Variants in KALRN observed in about 807,000 individuals in gnomAD.
The protein encoded by KALRN is kalirin RhoGEF kinase, also known as kalirin.
Under a neutral mutation model 353.7 loss-of-function variants are expected in KALRN, and 70 were observed. The observed-to-expected ratio is 0.20, with a 90% CI of 0.16 to 0.24. The LOEUF (loss-of-function observed/expected upper bound fraction) is 0.24, where lower values mean the gene tolerates loss of function less well. KALRN is among the 10% of genes least tolerant of loss of function. The probability of loss-of-function intolerance (pLI) is 1.00; values close to 1 mark genes in which losing one functional copy is unlikely to be tolerated. For synonymous variants in KALRN, 1,391 were observed against 1,434.8 expected (o/e 0.97, Z 0.69); for missense variants, 2,791 against 3,756.7 (o/e 0.74, Z 6.72).
chr3:124,067,400 A>C (rs2042458455), intron 1 of KALRN, among the ~76,000 whole-genome samples: 1 of 151,770 alleles, frequency 6.6e-6, no homozygotes, highest in Non-Finnish European at 1.5e-5. Context: ...TTGGTACCCA[A>C]ACCAGAGGTC....
At chr3:124,267,170 T>C (rs2073657875) in intron 4 of KALRN, among the ~76,000 whole-genome samples, 1 of 152,180 alleles carries the variant, frequency 6.6e-6, no homozygotes, top group Admixed American at 6.5e-5. Context: ...ATAAGCTTGT[T>C]CAACAACAGA....
At chr3:124,483,808 T>C in intron 28 of KALRN, among the ~76,000 whole-genome samples, 1 of 152,198 alleles carries the variant, frequency 6.6e-6, no homozygotes, top group East Asian at 1.9e-4. Flanking sequence ...AATCTTATCT[T>C]TAAAAGTTAA....
intron 33 of KALRN, among the ~76,000 whole-genome samples, chr3:124,548,864 G>A (rs1459385901): frequency 1.3e-5 from 2 of 152,186 alleles, no homozygotes; most frequent in Admixed American, 6.5e-5. Flanking sequence ...ATCTTGGCTA[G>A]GCTGGTCTCA....
intron 1 of KALRN, among the ~76,000 whole-genome samples, chr3:124,172,470 C>G (rs1239420595): frequency 6.6e-6 from 1 of 152,208 alleles, no homozygotes; most frequent in African/African-American, 2.4e-5. Flanking sequence ...CACAGAGAAT[C>G]TAGTCACTGT....
chr3:124,662,772 T>G (rs1407555210), intron 45 of KALRN, among the ~76,000 whole-genome samples: 1 of 152,114 alleles, frequency 6.6e-6, no homozygotes, highest in Non-Finnish European at 1.5e-5. Context: ...ACAACAGAGA[T>G]TTATTGTCTC....
At chr3:124,515,891 T>G (rs769329856) in intron 33 of KALRN, among the ~76,000 whole-genome samples, 10 of 152,232 alleles carry the variant, frequency 6.6e-5, no homozygotes, top group Non-Finnish European at 1.2e-4. Context: ...CCAAGTGGGC[T>G]ATATAAAATA....
At chr3:124,568,599 A>G (rs1325805884) in intron 34 of KALRN, among the ~76,000 whole-genome samples, 1 of 152,216 alleles carries the variant, frequency 6.6e-6, no homozygotes, top group Non-Finnish European at 1.5e-5. Flanking sequence ...GGTGAAAGCA[A>G]CCCCAGTGTC....
chr3:124,373,902 A>T (rs908610651), intron 10 of KALRN, among the ~76,000 whole-genome samples: 2 of 152,222 alleles, frequency 1.3e-5, no homozygotes, highest in South Asian at 4.1e-4. Context: ...GCAAAGAATT[A>T]TCCAGTGCAA....
At position 124,456,338 on chromosome 3, in the gene KALRN, A is replaced by C. The variant is rs540147947; in HGVS notation, c.3736-272A>C. Among the ~76,000 whole-genome samples, 4 of 152,354 alleles carry C rather than the reference A, an allele frequency of 2.6e-5. No homozygotes were observed. The South Asian group carries it at 8.3e-4, about 32-fold the overall frequency. ...TTAGGACCAAAGGCCTTGGGGAAAT[A>C]GACACATAATTATCAAATATGTTCA... is the stretch of plus-strand genomic sequence containing the variant. On this transcript the variant is annotated intron_variant, in intron 22 of 59. Coordinates refer to ENST00000682506, the MANE Select transcript of KALRN (RefSeq NM_001388419.1).
intron 32 of KALRN, 105 bp from the exon 33 acceptor site, chr3:124,496,206 T>C (rs1247822602): frequency 1.3e-5 from 10 of 753,086 alleles, no homozygotes; most frequent in Non-Finnish European, 2.1e-5. Context: ...TGCTAGAAAG[T>C]GCTGAGGCGC....
intron 34 of KALRN, among the ~76,000 whole-genome samples, chr3:124,605,140 C>G (rs1019172018): frequency 4.6e-5 from 7 of 151,422 alleles, no homozygotes; most frequent in African/African-American, 1.5e-4. Flanking sequence ...TGCACAGGGT[C>G]TCACTCTGTT....
At chr3:124,492,934 C>T (rs551062291) in intron 32 of KALRN, 52 bp downstream of exon 32, 5 of 1,590,918 alleles carry the variant, frequency 3.1e-6, no homozygotes, top group Admixed American at 1.7e-5. Flanking sequence ...CTTCCGGGTG[C>T]GGGAATGGGA....
chr3:124,198,164 A>G (rs2075621413), intron 1 of KALRN, among the ~76,000 whole-genome samples: 1 of 152,212 alleles, frequency 6.6e-6, no homozygotes, highest in Admixed American at 6.5e-5. Flanking sequence ...GGATGGCAAG[A>G]GGAACTTTCC....
intron 10 of KALRN, among the ~76,000 whole-genome samples, chr3:124,360,043 A>G (rs2083849606): frequency 6.6e-6 from 1 of 152,256 alleles, no homozygotes; most frequent in East Asian, 1.9e-4. Context: ...GAGTAATGGT[A>G]TATCCTGCCT....
At chr3:124,286,967 T>TTTCCCTAAA (rs1179187744) in intron 5 of KALRN, among the ~76,000 whole-genome samples, 3 of 152,240 alleles carry the variant, frequency 2.0e-5, no homozygotes, top group Non-Finnish European at 2.9e-5. Flanking sequence ...TCTTAAAGTC[T>TTTCCCTAAA]TATTCAAGAA....
intron 5 of KALRN, among the ~76,000 whole-genome samples, chr3:124,270,824 G>GTTTTTGTTT (rs1553885288): frequency 2.5e-5 from 2 of 78,630 alleles, no homozygotes; most frequent in African/African-American, 5.2e-5. Flanking sequence ...TTTTTGTTTT[G>GTTTTTGTTT]TTTTTTTTTT....
At chr3:124,161,477 T>C (rs187208170) in intron 1 of KALRN, among the ~76,000 whole-genome samples, 1 of 152,344 alleles carries the variant, frequency 6.6e-6, no homozygotes, top group Admixed American at 6.5e-5. Flanking sequence ...ACCCCTGCCT[T>C]CAAGGTTGTT....
chr3:124,327,486 C>T (rs1051172697), intron 7 of KALRN, among the ~76,000 whole-genome samples: 1 of 152,150 alleles, frequency 6.6e-6, no homozygotes, highest in Admixed American at 6.5e-5. Flanking sequence ...ATATACAATA[C>T]AGAGTATTGT....
At chr3:124,488,812 A>G (rs1459910617) in intron 29 of KALRN, 7 of 152,360 alleles carry the variant, frequency 4.6e-5, no homozygotes, top group Non-Finnish European at 1.0e-4. Context: ...CATTTTAACC[A>G]TTTTTGAATG....
Sources: gnomAD v4.1 joint callset for allele counts (sites outside exome capture counted in the v4.1 genomes callset) on GRCh38, gnomAD v4.1.1 for gene constraint, MANE v1.5 for transcripts, NCBI Gene and HGNC (gene_info 2026-07-23, HGNC 2026-07-21) for gene names.